Variants in ABCA13 observed in about 807,000 individuals in gnomAD.
The protein encoded by ABCA13 is ATP-binding cassette sub-family A member 13.
ABCA13 carries 476 observed loss-of-function variants against 478.7 expected under a neutral mutation model. The ratio of observed to expected loss-of-function variants is 0.99; its 90% CI spans 0.92 to 1.07. The LOEUF is 1.07. Among genes scored for constraint, ABCA13 ranks in the 50% least tolerant of loss-of-function variants. ABCA13 has a pLI of 0.00. For missense variants in ABCA13, 6,060 were observed against 5,910.6 expected (o/e 1.03, Z -0.83); for synonymous variants, 2,252 against 2,158.9 (o/e 1.04, Z -1.20).
At chr7:48,376,403 T>C (rs749819260) in intron 34 of ABCA13, 38 bp from the exon 35 acceptor site, 15 of 1,596,866 alleles carry the variant, frequency 9.4e-6, no homozygotes, top group Non-Finnish European at 1.2e-5. Flanking sequence ...ATAAAAGAGC[T>C]TGTGCAGTTC....
chr7:48,367,764 C>T, intron 31 of ABCA13, 30 bp from the exon 32 acceptor site: 6 of 1,512,126 alleles, frequency 4.0e-6, no homozygotes, highest in Non-Finnish European at 4.5e-6. Context: ...TTGCTTGTCT[C>T]CGGATGCTGA....
rs781712757 is a variant in ABCA13 at position 48,279,135 on chromosome 7, G to A, written c.7941G>A (p.Met2647Ile). The A allele has an allele frequency of 8.1e-5, 130 of 1,607,638 alleles. No homozygotes were observed. Among genetic ancestry groups the A allele is most frequent in the Admixed American group, 3.4e-4 (20 of 59,264 alleles). The change falls in exon 18 of 62, where the codon ATG becomes ATA. Residue 2647 changes from methionine (M) to isoleucine (I), a missense_variant. Met to Ile is a conservative substitution (Grantham distance 10). Around this residue, in one of 3 missense-constraint regions of ABCA13, gnomAD observed 4,423 missense variants for 4,309.1 expected, o/e 1.03. Transcript: ENST00000435803. ...CTGAATTTTTAACATCTGTGAAAATGAACTTGGAAGATATGAGGAGTCTTG... is the reference window on the plus strand; with the variant it reads ...CTGAATTTTTAACATCTGTGAAAATAAACTTGGAAGATATGAGGAGTCTTG... Reference protein sequence around the residue: ...EIAEFLTSVKMNLEDMRSLAV... With the variant: ...EIAEFLTSVKINLEDMRSLAV...
chr7:48,320,503 A>G (rs908805637), intron 27 of ABCA13, among the ~76,000 whole-genome samples: 1 of 152,120 alleles, frequency 6.6e-6, no homozygotes, highest in Non-Finnish European at 1.5e-5. Context: ...AATTGATGCT[A>G]TTTCCATGTC....
chr7:48,260,045 G>A (rs1050433033), intron 15 of ABCA13, among the ~76,000 whole-genome samples: 2 of 151,806 alleles, frequency 1.3e-5, no homozygotes, highest in Non-Finnish European at 2.9e-5. Flanking sequence ...AGATTTCTTG[G>A]ATTCAGTTTC....
At chr7:48,403,568 T>C (rs1350215061) in intron 38 of ABCA13, 115 bp from the exon 39 acceptor site, 5 of 1,030,066 alleles carry the variant, frequency 4.9e-6, no homozygotes, top group Non-Finnish European at 7.1e-6. Flanking sequence ...ACCTCTGTGA[T>C]ATATTTGTGG....
At position 48,506,954 on chromosome 7, in the gene ABCA13, A is replaced by G. The variant is rs542016726; in HGVS notation, c.13346+564A>G. Reference sequence around the variant, plus strand: ...TCGACAAACTTTTAATTAAAAGTCGATAATAAAAGTGGGTATTTTTGAAAA... The same window carrying G: ...TCGACAAACTTTTAATTAAAAGTCGGTAATAAAAGTGGGTATTTTTGAAAA... On this transcript the variant is annotated intron_variant, in intron 49 of 61. Transcript: ENST00000435803. Among the ~76,000 whole-genome samples, 9 of 152,330 alleles carry G rather than the reference A, an allele frequency of 5.9e-5. 1 individual carries two copies. In the South Asian group the frequency reaches 1.2e-3, roughly 21 times the overall value.
rs1301881866 is a variant in ABCA13 at position 48,272,291 on chromosome 7, G to A, written c.2625G>A (p.Gln875=). 1.2e-6 allele frequency: 2 copies of A among 1,613,568 alleles called. No individual in the cohort carries two copies. Among genetic ancestry groups the A allele is most frequent in the African/African-American group, 2.7e-5 (2 of 74,890 alleles). The change falls in exon 17 of 62, where the codon CAG becomes CAA. Residue 875 remains glutamine, a synonymous_variant. Coordinates refer to ENST00000435803, the MANE Select transcript of ABCA13 (RefSeq NM_152701.5). ...EILSTSFNFS[Q]LFHSDWPKSP... ...TGAGTACAAGTTTTAACTTTTCCCAGTTGTTCCATTCAGATTGGCCTAAAT... is the reference window on the plus strand; with the variant it reads ...TGAGTACAAGTTTTAACTTTTCCCAATTGTTCCATTCAGATTGGCCTAAAT...
intron 51 of ABCA13, among the ~76,000 whole-genome samples, chr7:48,513,982 T>C (rs1260514754): frequency 6.6e-6 from 1 of 152,184 alleles, no homozygotes; most frequent in Non-Finnish European, 1.5e-5. Flanking sequence ...AAATAATGCT[T>C]TGATCCACTT....
intron 57 of ABCA13, among the ~76,000 whole-genome samples, chr7:48,588,625 T>C (rs10276788): frequency 0.77 from 117,777 of 152,164 alleles, 46,373 homozygotes; most frequent in African/African-American, 0.92. Flanking sequence ...TCTATGCCTG[T>C]TTCCTTCTCA....
chr7:48,476,474 G>A (rs1828100404), intron 45 of ABCA13, among the ~76,000 whole-genome samples: 4 of 147,636 alleles, frequency 2.7e-5, no homozygotes, highest in East Asian at 4.3e-4. Flanking sequence ...GGAACACAGG[G>A]TTTTTTAAAG....
At chr7:48,282,738 G>A (rs1208732894) in intron 19 of ABCA13, among the ~76,000 whole-genome samples, 2 of 152,214 alleles carry the variant, frequency 1.3e-5, no homozygotes, top group East Asian at 3.9e-4. Context: ...CCTCTGGAAA[G>A]CTTTTCTTCA....
intron 48 of ABCA13, among the ~76,000 whole-genome samples, chr7:48,491,651 G>C (rs1365930358): frequency 6.6e-6 from 1 of 152,158 alleles, no homozygotes; most frequent in Non-Finnish European, 1.5e-5. Context: ...GGAAAGGAAG[G>C]TTTGTGCAAT....
chr7:48,516,539 G>A (rs1832126935), intron 51 of ABCA13, among the ~76,000 whole-genome samples, 186 bp from the exon 52 acceptor site: 1 of 152,056 alleles, frequency 6.6e-6, no homozygotes, highest in African/African-American at 2.4e-5. Context: ...ATCTCTCACT[G>A]TGCCTAATTT....
Position 48,219,513 on chromosome 7 carries a change from A to G in ABCA13, c.439+8A>G. On this transcript the variant is annotated splice_region_variant and intron_variant, in intron 4 of 61. Transcript: ENST00000435803. ...AACGATCCAACACTCCAGGCAAGTA[A>G]ACCTCTCATAACTGTGACACTACCT... 1 of 1,601,726 alleles carries G rather than the reference A, an allele frequency of 6.2e-7. No homozygotes were observed. The highest frequency in any genetic ancestry group is 8.5e-7 in the Non-Finnish European group (1 of 1,176,394).
chr7:48,613,006 A>C (rs564341055), intron 58 of ABCA13, among the ~76,000 whole-genome samples: 1 of 152,194 alleles, frequency 6.6e-6, no homozygotes, highest in Admixed American at 6.5e-5. Context: ...ATTTGATTTA[A>C]TGGTTTATAT....
At chr7:48,448,904 G>A (rs375105319) in intron 42 of ABCA13, among the ~76,000 whole-genome samples, 12 of 152,184 alleles carry the variant, frequency 7.9e-5, no homozygotes, top group East Asian at 1.9e-4. Context: ...CTGTAGTGGC[G>A]TGATCTTGGC....
At chr7:48,321,820 A>C (rs1368408072) in intron 27 of ABCA13, among the ~76,000 whole-genome samples, 1 of 152,164 alleles carries the variant, frequency 6.6e-6, no homozygotes, top group Admixed American at 6.5e-5. Flanking sequence ...CCAAGGTTCC[A>C]GGTAAGATGT....
intron 59 of ABCA13, among the ~76,000 whole-genome samples, chr7:48,622,106 A>G (rs1554585646): frequency 1.3e-5 from 2 of 151,962 alleles, no homozygotes; most frequent in African/African-American, 2.4e-5. Context: ...GCCTATTTCA[A>G]CTGGAGAAAT....
At chr7:48,422,347 A>G (rs1229002500) in intron 41 of ABCA13, among the ~76,000 whole-genome samples, 1 of 152,186 alleles carries the variant, frequency 6.6e-6, no homozygotes, top group African/African-American at 2.4e-5. Flanking sequence ...TGACTGTGCT[A>G]TCAGCCCTTT....
Sources: gnomAD v4.1 joint callset for allele counts (sites outside exome capture counted in the v4.1 genomes callset) on GRCh38, gnomAD v4.1.1 for gene constraint, gnomAD v4.1.1 regional missense constraint, MANE v1.5 for transcripts, NCBI Gene and HGNC (gene_info 2026-07-23, HGNC 2026-07-21) for gene names.